The following RNLS variants were observed in gnomAD, a reference collection of about 807,000 sequenced individuals.
RNLS encodes the protein renalase.
A neutral mutation model predicts 39.8 loss-of-function variants in RNLS; 39 were observed. The ratio of observed to expected loss-of-function variants is 0.98; its 90% CI spans 0.76 to 1.28. RNLS has a LOEUF of 1.28. Among genes scored for constraint, RNLS ranks in the 50% most tolerant of loss-of-function variants. RNLS has a pLI of 0.00. For missense variants in RNLS, 410 were observed against 413.3 expected, an observed-to-expected ratio of 0.99 and a Z score of 0.07; for synonymous variants, 147 against 150.7, an observed-to-expected ratio of 0.98 and a Z score of 0.18.
At chr10:88,375,271 T>G (rs952769543) in intron 4 of RNLS, among the ~76,000 whole-genome samples, 1 of 152,110 alleles carries the variant, frequency 6.6e-6, no homozygotes, top group African/African-American at 2.4e-5. Flanking sequence ...TGCTTAGAGT[T>G]GCAGGGACAA....
chr10:88,276,989 T>C (rs961138866), intron 6 of RNLS, among the ~76,000 whole-genome samples: 26 of 152,310 alleles, frequency 1.7e-4, no homozygotes, highest in African/African-American at 6.3e-4. Context: ...AGTCCTTTGT[T>C]GATTATAAAC....
In RNLS at chr10:88,575,147, TATATATATATATACAC is replaced by T. The variant is rs1274371980; in HGVS notation, c.368-2102_368-2087del. 4.1e-3 allele frequency among the ~76,000 whole-genome samples: 142 copies of T among 34,986 alleles called. 1 individual carries two copies. The highest frequency in any genetic ancestry group is 0.031 in the South Asian group (38 of 1,212). 23.0% of individuals were successfully genotyped at this position (34,986 alleles called of 152,430 possible). ...AAGTATATATATATATATATATATA[TATATATATATATACAC>T]ACACACACACACACACATATTATAT... On this transcript the variant is annotated intron_variant, in intron 3 of 6. Coordinates refer to ENST00000331772, the MANE Select transcript of RNLS (RefSeq NM_001031709.3).
intron 4 of RNLS, among the ~76,000 whole-genome samples, chr10:88,482,459 G>A (rs774328127): frequency 1.3e-5 from 2 of 151,810 alleles, no homozygotes; most frequent in African/African-American, 2.4e-5. Context: ...TTCATTTCAG[G>A]TCCTGTATTT....
At chr10:88,406,223 T>G (rs1853257820) in intron 4 of RNLS, among the ~76,000 whole-genome samples, 1 of 152,120 alleles carries the variant, frequency 6.6e-6, no homozygotes, top group South Asian at 2.1e-4. Flanking sequence ...TTTTTGCGAT[T>G]AATTTCCTGG....
intron 4 of RNLS, among the ~76,000 whole-genome samples, chr10:88,506,433 C>T (rs915515308): frequency 1.3e-5 from 2 of 151,862 alleles, no homozygotes; most frequent in African/African-American, 4.8e-5. Flanking sequence ...AACAGAATAT[C>T]CTTACTTTTA....
chr10:88,489,094 G>C (rs1040513024), intron 4 of RNLS, among the ~76,000 whole-genome samples: 7 of 152,114 alleles, frequency 4.6e-5, no homozygotes, highest in African/African-American at 1.7e-4. Flanking sequence ...AAGTCATCTT[G>C]AGAGCAAATG....
chr10:88,352,835 T>C (rs960902320), intron 5 of RNLS, among the ~76,000 whole-genome samples: 2 of 152,166 alleles, frequency 1.3e-5, no homozygotes, highest in Non-Finnish European at 2.9e-5. Context: ...GGTCCTCGAC[T>C]TTTTTTGGTT....
Position 88,285,516 on chromosome 10 carries a change from TA to T in RNLS, c.877-11del. On this transcript the variant is annotated splice_polypyrimidine_tract_variant and intron_variant, in intron 6 of 6. Coordinates refer to ENST00000331772, the MANE Select transcript of RNLS (RefSeq NM_001031709.3). ...CAGCAGCATTTGTAACCTGAAAAAG[TA>T]AAAAGAGGATTGCAATTGACATTCT... 1.2e-6 allele frequency: 2 copies of T among 1,611,070 alleles called. No individual in the cohort carries two copies. Among genetic ancestry groups the T allele is most frequent in the Non-Finnish European group, 1.7e-6 (2 of 1,177,970 alleles).
intron 4 of RNLS, among the ~76,000 whole-genome samples, chr10:88,466,841 T>G (rs906873560): frequency 2.0e-5 from 3 of 152,300 alleles, no homozygotes; most frequent in East Asian, 3.9e-4. Flanking sequence ...AAAGAATGTT[T>G]GAGCACAGTG....
intron 5 of RNLS, among the ~76,000 whole-genome samples, chr10:88,333,253 T>G (rs1222879890): frequency 2.0e-5 from 3 of 152,240 alleles, no homozygotes; most frequent in Non-Finnish European, 4.4e-5. Context: ...AAGATATTAT[T>G]AAATTATTTT....
intron 4 of RNLS, among the ~76,000 whole-genome samples, chr10:88,396,035 G>A (rs180745499): frequency 1.6e-4 from 25 of 152,024 alleles, no homozygotes; most frequent in Admixed American, 1.3e-3. Context: ...TTTCAAATAA[G>A]CAAAAAAACT....
Position 88,284,319 on chromosome 10 carries a change from T to C in RNLS, c.*1035A>G. The C allele has an allele frequency of 1.0e-6, 1 of 985,374 alleles. No homozygotes were observed. Among genetic ancestry groups the C allele is most frequent in the Non-Finnish European group, 1.2e-6 (1 of 829,902 alleles). The allele number at this position is 985,374 out of a possible 1,614,324, so 61.0% of individuals were successfully genotyped here. On this transcript the variant is annotated 3_prime_UTR_variant, in exon 7 of 7. Coordinates refer to ENST00000331772, the MANE Select transcript of RNLS (RefSeq NM_001031709.3). ...GTTAGTTTGAGAGGCTGCAATGATT[T>C]TTCTCCTTTCAAAATGCTGAAATAG...
chr10:88,367,785 C>A (rs567471469), intron 4 of RNLS, among the ~76,000 whole-genome samples: 2 of 152,228 alleles, frequency 1.3e-5, no homozygotes, highest in East Asian at 3.9e-4. Context: ...AAAATCCTTG[C>A]ATGTTTGTCA....
chr10:88,384,184 G>C (rs1044924683), intron 4 of RNLS, among the ~76,000 whole-genome samples: 1 of 152,086 alleles, frequency 6.6e-6, no homozygotes, highest in African/African-American at 2.4e-5. Context: ...GCCAATCCCT[G>C]ACATAGACTA....
intron 4 of RNLS, among the ~76,000 whole-genome samples, chr10:88,482,219 C>T (rs918037298): frequency 6.6e-6 from 1 of 152,120 alleles, no homozygotes; most frequent in East Asian, 1.9e-4. Flanking sequence ...TTGGCCATTA[C>T]TTCATCACAC....
chr10:88,378,413 ACCAGAAC>A (rs1851198838), intron 4 of RNLS, among the ~76,000 whole-genome samples: 1 of 152,136 alleles, frequency 6.6e-6, no homozygotes, highest in Non-Finnish European at 1.5e-5. Flanking sequence ...CGTCATAGAA[ACCAGAAC>A]CCTTTTCCCC....
At chr10:88,283,630 T>G (rs764662966), downstream of RNLS, among the ~76,000 whole-genome samples, 2 of 152,038 alleles carry the variant, frequency 1.3e-5, no homozygotes, top group Non-Finnish European at 2.9e-5. Flanking sequence ...GATGCACCCA[T>G]AAAAAAGAAT....
At chr10:88,449,521 TTAAC>T (rs1462519151) in intron 4 of RNLS, among the ~76,000 whole-genome samples, 5 of 152,330 alleles carry the variant, frequency 3.3e-5, no homozygotes, top group South Asian at 2.1e-4. Context: ...TTTCCTTAGA[TTAAC>T]TAATAATAAT....
intron 4 of RNLS, among the ~76,000 whole-genome samples, chr10:88,465,031 G>T (rs990486490): frequency 3.9e-5 from 6 of 152,084 alleles, no homozygotes; most frequent in African/African-American, 1.2e-4. Flanking sequence ...TGTAAAATAT[G>T]AATAATGGCA....
Sources: allele counts gnomAD v4.1 joint callset (sites outside exome capture counted in the v4.1 genomes callset), GRCh38; gene constraint gnomAD v4.1.1; transcripts MANE v1.5; gene names NCBI Gene and HGNC (gene_info 2026-07-23, HGNC 2026-07-21).